Variants in CADM2 observed in about 807,000 individuals in gnomAD.
CADM2 encodes the protein cell adhesion molecule 2.
In CADM2, 12 loss-of-function variants were observed where a neutral mutation model predicts 49.8. The observed-to-expected ratio is 0.24, with a 90% CI of 0.15 to 0.39. The LOEUF (loss-of-function observed/expected upper bound fraction) is 0.39. Ranked by LOEUF, CADM2 falls within the 10% of genes least tolerant of loss-of-function variation. CADM2 has a pLI of 1.00. For missense variants in CADM2, 378 were observed against 492.3 expected (o/e 0.77, Z 2.20); for synonymous variants, 214 against 175.4 (o/e 1.22, Z -1.74).
rs528071390 is a variant in CADM2, at chr3:85,893,505, T to C, written c.529+7178T>C. Among the ~76,000 whole-genome samples the C allele has an allele frequency of 2.6e-5, 4 of 152,234 alleles. No homozygotes were observed. In the South Asian group the frequency reaches 8.3e-4, roughly 32 times the overall value. ...GCCAAAATTGACAAATGGGATCTAA[T>C]TAAACTAAAGAGCTTCTGCACAGCA... On this transcript the variant is annotated intron_variant, in intron 5 of 9. Coordinates refer to ENST00000383699, the MANE Select transcript of CADM2 (RefSeq NM_001167675.2).
At chr3:85,381,050 G>A (rs2033875605) in intron 1 of CADM2, among the ~76,000 whole-genome samples, 2 of 151,960 alleles carry the variant, frequency 1.3e-5, no homozygotes, top group Non-Finnish European at 2.9e-5. Context: ...AATTAACAGA[G>A]CTAGTATTTA....
intron 2 of CADM2, among the ~76,000 whole-genome samples, chr3:85,734,978 A>ATGTGTGTG (rs142565193): frequency 1.5e-3 from 226 of 148,316 alleles, no homozygotes; most frequent in African/African-American, 2.9e-3. Flanking sequence ...AAATATATAT[A>ATGTGTGTG]TGTGTGTGTG....
At chr3:85,799,209 T>C (rs1424798421) in intron 2 of CADM2, among the ~76,000 whole-genome samples, 3 of 152,214 alleles carry the variant, frequency 2.0e-5, no homozygotes, top group Non-Finnish European at 4.4e-5. Flanking sequence ...AATCATGTCA[T>C]CTGCAAACAG....
intron 1 of CADM2, among the ~76,000 whole-genome samples, chr3:85,370,928 G>T (rs2107317677): frequency 6.6e-6 from 1 of 152,168 alleles, no homozygotes; most frequent in South Asian, 2.1e-4. Flanking sequence ...TTTAACAAAA[G>T]AGTTTAAAAA....
At chr3:85,805,016 C>T (rs2072314286) in intron 3 of CADM2, among the ~76,000 whole-genome samples, 7 of 152,146 alleles carry the variant, frequency 4.6e-5, no homozygotes. Flanking sequence ...TCTTGGCTCA[C>T]TGCATCCTCC....
At chr3:85,332,113 C>G (rs561964263) in intron 1 of CADM2, among the ~76,000 whole-genome samples, 12 of 152,060 alleles carry the variant, frequency 7.9e-5, no homozygotes, top group African/African-American at 2.6e-4. Flanking sequence ...AAACCTATAG[C>G]TAATTTCTGT....
chr3:84,960,278 A>G (rs969657211), intron 1 of CADM2: 4 of 152,230 alleles, frequency 2.6e-5, no homozygotes, highest in Non-Finnish European at 4.4e-5. Context: ...TTACCTAGGA[A>G]GAGAGAGGGG....
chr3:85,925,949 A>T (rs928722873), intron 6 of CADM2, among the ~76,000 whole-genome samples: 1 of 151,978 alleles, frequency 6.6e-6, no homozygotes, highest in East Asian at 1.9e-4. Flanking sequence ...CATCCTGGCT[A>T]ACACGGTGAA....
At chr3:85,017,598 C>T (rs1047261275) in intron 1 of CADM2, among the ~76,000 whole-genome samples, 2 of 152,066 alleles carry the variant, frequency 1.3e-5, no homozygotes, top group Non-Finnish European at 2.9e-5. Context: ...TCATCTTTTT[C>T]TTGTTTTATT....
intron 1 of CADM2, among the ~76,000 whole-genome samples, chr3:84,991,638 T>C (rs1206085181): frequency 6.6e-6 from 1 of 152,190 alleles, no homozygotes; most frequent in Non-Finnish European, 1.5e-5. Flanking sequence ...AATCCAGCAA[T>C]GAAGTTCCTT....
chr3:85,090,497 G>A (rs2037554933), intron 1 of CADM2, among the ~76,000 whole-genome samples: 1 of 152,116 alleles, frequency 6.6e-6, no homozygotes, highest in African/African-American at 2.4e-5. Flanking sequence ...AATAATAACA[G>A]AATAGATACA....
At chr3:85,694,690 GAC>G (rs2066496174) in intron 1 of CADM2, among the ~76,000 whole-genome samples, 1 of 152,096 alleles carries the variant, frequency 6.6e-6, no homozygotes, top group South Asian at 2.1e-4. Flanking sequence ...CTATACTCCA[GAC>G]ACACTCCCAG....
At chr3:85,042,779 A>T (rs987725402) in intron 1 of CADM2, among the ~76,000 whole-genome samples, 3 of 152,170 alleles carry the variant, frequency 2.0e-5, no homozygotes, top group Admixed American at 6.6e-5. Flanking sequence ...AAGGTATTAT[A>T]AAATGGTGTA....
chr3:86,065,255 G>C (rs1739171402), intron 8 of CADM2, among the ~76,000 whole-genome samples: 2 of 152,256 alleles, frequency 1.3e-5, no homozygotes, highest in South Asian at 2.1e-4. Context: ...TAACAGTATA[G>C]TTTTGTTACT....
At chr3:85,238,517 A>C (rs2042459103) in intron 1 of CADM2, among the ~76,000 whole-genome samples, 1 of 151,906 alleles carries the variant, frequency 6.6e-6, no homozygotes, top group Non-Finnish European at 1.5e-5. Flanking sequence ...CCTTGGGATA[A>C]TCTGTCTTTC....
chr3:85,247,673 A>T (rs984668977), intron 1 of CADM2, among the ~76,000 whole-genome samples: 2 of 152,144 alleles, frequency 1.3e-5, no homozygotes, highest in Non-Finnish European at 2.9e-5. Context: ...AGTATGAATT[A>T]TGTTTGTTTT....
chr3:85,677,735 A>T (rs1418431638), intron 1 of CADM2, among the ~76,000 whole-genome samples: 2 of 152,200 alleles, frequency 1.3e-5, no homozygotes, highest in African/African-American at 4.8e-5. Flanking sequence ...TAAAGAGTTG[A>T]TGCTTGCATA....
intron 1 of CADM2, among the ~76,000 whole-genome samples, chr3:85,059,738 T>C (rs889511565): frequency 4.6e-5 from 7 of 152,182 alleles, no homozygotes; most frequent in Admixed American, 1.3e-4. Flanking sequence ...TCTGCCACCA[T>C]GTGAGACATG....
chr3:86,069,462 A>G lies in CADM2; in HGVS notation c.*2679A>G, dbSNP rs953902556. Reference sequence around the variant, plus strand: ...TTCTGAACTGGAGAAAACAATATCAATGAAGTCATATTTTCATACCTTTAA... The same window carrying G: ...TTCTGAACTGGAGAAAACAATATCAGTGAAGTCATATTTTCATACCTTTAA... On this transcript the variant is annotated 3_prime_UTR_variant, in exon 10 of 10. Coordinates refer to ENST00000383699, the MANE Select transcript of CADM2 (RefSeq NM_001167675.2). 6.6e-6 allele frequency: 1 copy of G among 152,134 alleles called. No homozygotes were observed. The highest frequency in any genetic ancestry group is 1.9e-4 in the East Asian group (1 of 5,192). The allele number at this position is 152,134 out of a possible 1,614,324, so 9.4% of individuals were successfully genotyped here. A position where few individuals can be genotyped will look rare whatever the true frequency, so the allele number is the denominator to read the frequency against.
Sources: gnomAD v4.1 joint callset for allele counts (sites outside exome capture counted in the v4.1 genomes callset) on GRCh38, gnomAD v4.1.1 for gene constraint, MANE v1.5 for transcripts, NCBI Gene and HGNC (gene_info 2026-07-23, HGNC 2026-07-21) for gene names.